Variants in C2CD2L observed in about 807,000 individuals in gnomAD.
The protein encoded by C2CD2L is phospholipid transfer protein C2CD2L.
A neutral mutation model predicts 69.9 loss-of-function variants in C2CD2L; 24 were observed. The observed-to-expected ratio is 0.34, with a 90% confidence interval of 0.25 to 0.48. The LOEUF is 0.48. Among genes scored for constraint, C2CD2L ranks in the 20% least tolerant of loss-of-function variants. The pLI is 0.99. For synonymous variants in C2CD2L, 367 were observed against 391.0 expected, an observed-to-expected ratio of 0.94 and a Z score of 0.72; for missense variants, 811 against 941.5, an observed-to-expected ratio of 0.86 and a Z score of 1.81.
At chr11:119,113,273 C>T (rs1946798004) in intron 10 of C2CD2L, 5 of 385,718 alleles carry the variant, frequency 1.3e-5, no homozygotes, top group Non-Finnish European at 9.4e-6. Flanking sequence ...GGCATTTCTA[C>T]CCCACTCAGT....
rs1031927426 is a variant in C2CD2L at position 119,116,308 on chromosome 11, C to T, written c.*52C>T. The T allele has an allele frequency of 7.2e-7, 1 of 1,396,316 alleles. No individual in the cohort carries two copies. The highest frequency in any genetic ancestry group is 1.4e-5 in the African/African-American group (1 of 70,728). 86.5% of individuals were successfully genotyped at this position (1,396,316 alleles called of 1,614,324 possible). ...TCTCTCAGCCCATTCCCCACCTCCC[C>T]TTCCATACCCCTTCCTGGATCTCCA... On this transcript the variant is annotated 3_prime_UTR_variant, in exon 14 of 14. Coordinates refer to ENST00000648610, the MANE Select transcript of C2CD2L (RefSeq NM_001290474.2).
chr11:119,109,427 A>G lies in C2CD2L; in HGVS notation c.355-677A>G, dbSNP rs1946679136. On this transcript the variant is annotated intron_variant, in intron 1 of 13. Transcript: ENST00000648610. This position sits in a 1 kb window ranked among gnomAD's most constrained non-coding sequence, Gnocchi z 5.1. ...AGATCTAAGCAGCTTTCTGCTCTCT[A>G]ATACCGTCCTGCTATCTGCCTTGAG... is the stretch of plus-strand genomic sequence containing the variant. Among the ~76,000 whole-genome samples the G allele has an allele frequency of 6.6e-6, 1 of 152,164 alleles. No homozygotes were observed. The highest frequency in any genetic ancestry group is 6.5e-5 in the Admixed American group (1 of 15,278).
chr11:119,108,879 A>G (rs953778380), intron 1 of C2CD2L, among the ~76,000 whole-genome samples: 4 of 152,174 alleles, frequency 2.6e-5, no homozygotes, highest in African/African-American at 9.7e-5. Flanking sequence ...CCTTGCTCAG[A>G]GGGTTCTCTA....
At chr11:119,106,040 T>C (rs1172488505), upstream of C2CD2L, among the ~76,000 whole-genome samples, 1 of 152,214 alleles carries the variant, frequency 6.6e-6, no homozygotes, top group Non-Finnish European at 1.5e-5. Flanking sequence ...GAATCTCCAC[T>C]GATTTGGCAG....
rs1203627297 is a variant in C2CD2L, at chr11:119,116,557, C to CG, written c.*303dup. The CG allele has an allele frequency of 9.6e-6, 5 of 522,784 alleles. No homozygotes were observed. Among genetic ancestry groups the CG allele is most frequent in the African/African-American group, 9.5e-5 (5 of 52,638 alleles). The allele number at this position is 522,784 out of a possible 1,614,324, so 32.4% of individuals were successfully genotyped here. On this transcript the variant is annotated 3_prime_UTR_variant, in exon 14 of 14. Coordinates refer to ENST00000648610, the MANE Select transcript of C2CD2L (RefSeq NM_001290474.2). ...CCTCCTGCTGAGCCTGGTCCCTGAG[C>CG]GGAGTCCCAGGGTGCTCAGCTCTTC... is the stretch of plus-strand genomic sequence containing the variant.
chr11:119,110,105 G>A lies in C2CD2L; in HGVS notation c.356G>A (p.Ser119Asn). The part of the protein sequence containing the change: ...ALNEQACRNG[S>N]SIQIAFEEVP... ...CCAATGCCCACATTACTCCCTCAGAGCTCCATCCAAATCGCCTTTGAGGAG... is the reference window on the plus strand; with the variant it reads ...CCAATGCCCACATTACTCCCTCAGAACTCCATCCAAATCGCCTTTGAGGAG... The change falls in exon 2 of 14, where the codon AGC becomes AAC. Residue 119 changes from serine to asparagine, a missense_variant and splice_region_variant. By Grantham distance (46) the Ser-to-Asn change is conservative. Transcript: ENST00000648610. The surrounding 1 kb of genome is among the most constrained non-coding windows in gnomAD (Gnocchi z 5.7). 1 of 1,611,218 alleles carries A rather than the reference G, an allele frequency of 6.2e-7. No individual in the cohort carries two copies. Among genetic ancestry groups the A allele is most frequent in the Non-Finnish European group, 8.5e-7 (1 of 1,177,390 alleles).
In C2CD2L at chr11:119,107,690, C is replaced by T. The variant is rs1369388135; in HGVS notation, c.-52C>T. The stretch of plus-strand genomic sequence containing the variant: ...GCGGCCCGCCCGGGCCATGCTCCCC[C>T]GGGGCAGCGGGTGAGCCCCAGCCGG... On this transcript the variant is annotated 5_prime_UTR_variant, in exon 1 of 14. Transcript: ENST00000648610. This position sits in a 1 kb window ranked among gnomAD's most constrained non-coding sequence, Gnocchi z 5.4. The T allele has an allele frequency of 9.8e-6, 12 of 1,228,906 alleles. No individual in the cohort carries two copies. The highest frequency in any genetic ancestry group is 5.3e-6 in the Non-Finnish European group (5 of 940,920). The allele number at this position is 1,228,906 out of a possible 1,614,324, so 76.1% of individuals were successfully genotyped here. A position where few individuals can be genotyped will look rare whatever the true frequency, so the allele number is the denominator to read the frequency against.
At position 119,112,503 on chromosome 11, in the gene C2CD2L, C is replaced by T. The variant is rs756122425; in HGVS notation, c.1106C>T (p.Thr369Ile). 6 of 1,613,898 alleles carry T rather than the reference C, an allele frequency of 3.7e-6. 1 individual carries two copies. Among genetic ancestry groups the T allele is most frequent in the Middle Eastern group, 3.3e-4 (2 of 6,058 alleles). ...CGDTELLGQA[T>I]LPVGSPSRPL... ...CCAGCCGAACTCCTAGGCCAGGCCACACTGCCTGTGGGCTCCCCCTCCAGA... is the reference window on the plus strand; with the variant it reads ...CCAGCCGAACTCCTAGGCCAGGCCATACTGCCTGTGGGCTCCCCCTCCAGA... The change falls in exon 9 of 14, where the codon ACA (threonine) becomes ATA (isoleucine). Residue 369 changes from threonine to isoleucine, a missense_variant. By Grantham distance (89) the Thr-to-Ile change is moderately conservative. Coordinates refer to ENST00000648610, the MANE Select transcript of C2CD2L (RefSeq NM_001290474.2).
Position 119,107,476 on chromosome 11 carries a change from G to A in C2CD2L, c.-266G>A. 1 of 331,992 alleles carries A rather than the reference G, an allele frequency of 3.0e-6. No homozygotes were observed. The highest frequency in any genetic ancestry group is 5.4e-6 in the Non-Finnish European group (1 of 183,626). The allele number at this position is 331,992 out of a possible 1,614,324, so 20.6% of individuals were successfully genotyped here. A position where few individuals can be genotyped will look rare whatever the true frequency, so the allele number is the denominator to read the frequency against. ...GCGCGGTGGGAGGAGTCGGGCACTGGCCGGCGACTAACGGGTCCGACTGCT... is the reference window on the plus strand; with the variant it reads ...GCGCGGTGGGAGGAGTCGGGCACTGACCGGCGACTAACGGGTCCGACTGCT... On this transcript the variant is annotated 5_prime_UTR_variant, in exon 1 of 14. Coordinates refer to ENST00000648610, the MANE Select transcript of C2CD2L (RefSeq NM_001290474.2). The surrounding 1 kb of genome is among the most constrained non-coding windows in gnomAD (Gnocchi z 5.4).
rs184765986 is a variant in C2CD2L, at chr11:119,116,500, C to T, written c.*244C>T. On this transcript the variant is annotated 3_prime_UTR_variant, in exon 14 of 14. Transcript: ENST00000648610. ...CTGGGAGGGAGAGGAGGGCCCTGTC[C>T]GGCATGTGTGGGTATTCCCCAGAAG... The T allele has an allele frequency of 5.1e-6, 3 of 586,346 alleles. No individual in the cohort carries two copies. The highest frequency in any genetic ancestry group is 2.8e-5 in the East Asian group (1 of 35,464). The allele number at this position is 586,346 out of a possible 1,614,324, so 36.3% of individuals were successfully genotyped here. A position where few individuals can be genotyped will look rare whatever the true frequency, so the allele number is the denominator to read the frequency against.
At chr11:119,106,227 A>G (rs902777577), upstream of C2CD2L, among the ~76,000 whole-genome samples, 3 of 152,232 alleles carry the variant, frequency 2.0e-5, no homozygotes, top group Non-Finnish European at 4.4e-5. Flanking sequence ...CCCACACTTC[A>G]GAAGGCATTG....
chr11:119,106,548 C>T (rs1356879429), upstream of C2CD2L, among the ~76,000 whole-genome samples: 1 of 152,168 alleles, frequency 6.6e-6, no homozygotes, highest in Non-Finnish European at 1.5e-5. Context: ...GTACCTACAG[C>T]ACCATTTCTT....
Position 119,113,878 on chromosome 11 carries a change from T to C in C2CD2L, c.1513T>C (p.Leu505=). The C allele has an allele frequency of 1.2e-6, 2 of 1,614,152 alleles. No homozygotes were observed. Among genetic ancestry groups the C allele is most frequent in the Non-Finnish European group, 1.7e-6 (2 of 1,180,012 alleles). Residue 505 remains leucine, a synonymous_variant, in exon 12 of 14, where the codon TTG becomes CTG. Transcript: ENST00000648610. The stretch of plus-strand genomic sequence containing the variant: ...AGGGGACAGCCACCTTTCCAACGGC[T>C]TGGACCCTGTAGCAGAGACAGCGAT... ...SSRDSHLSNG[L]DPVAETAIRQ... is the part of the protein sequence containing the mutation.
chr11:119,110,731 C>T lies in C2CD2L; in HGVS notation c.570+51C>T, dbSNP rs753988050. 12 of 1,609,698 alleles carry T rather than the reference C, an allele frequency of 7.5e-6. 2 individuals are homozygous for T. The South Asian group carries it at 1.3e-4, about 18-fold the overall frequency. On this transcript the variant is annotated intron_variant, in intron 3 of 13. Coordinates refer to ENST00000648610, the MANE Select transcript of C2CD2L (RefSeq NM_001290474.2). This position sits in a 1 kb window ranked among gnomAD's most constrained non-coding sequence, Gnocchi z 5.7. ...TTGGGCAGGGGCGGTTCCATTGGCT[C>T]AGCTTCTTCCATTTGTTTCCTCTCT...
Position 119,114,329 on chromosome 11 carries a change from G to A in C2CD2L, c.1873G>A (p.Gly625Ser). ...TATTGAGTCGGAAACGGGGTCCACT[G>A]GTGCCCTGGAGACCCGCAGCCTCAA... ...DDIESETGST[G>S]ALETRSLKDH... is the part of the protein sequence containing the mutation. Residue 625 changes from glycine (G) to serine (S), a missense_variant, in exon 13 of 14, where the codon GGT becomes AGT. Physicochemically the swap from Gly to Ser is moderately conservative, Grantham distance 56. Transcript: ENST00000648610. The surrounding 1 kb of genome is among the most constrained non-coding windows in gnomAD (Gnocchi z 5.1). 6.2e-7 allele frequency: 1 copy of A among 1,614,190 alleles called. No individual in the cohort carries two copies. Among genetic ancestry groups the A allele is most frequent in the South Asian group, 1.1e-5 (1 of 91,092 alleles).
rs753165662 is a variant in C2CD2L, at chr11:119,110,644, G to T, written c.534G>T (p.Glu178Asp). 6.2e-7 allele frequency: 1 copy of T among 1,613,690 alleles called. No homozygotes were observed. The highest frequency in any genetic ancestry group is 1.1e-5 in the South Asian group (1 of 91,064). Residue 178 changes from glutamate (E) to aspartate (D), a missense_variant, in exon 3 of 14, where the codon GAG becomes GAT. By Grantham distance (45) the Glu-to-Asp change is conservative. Transcript: ENST00000648610. The surrounding 1 kb of genome is among the most constrained non-coding windows in gnomAD (Gnocchi z 5.7). ...TQQSPAAVSM[E>D]TYHVTLTLPP... is the part of the protein sequence containing the mutation. ...AGTCCCCCGCTGCCGTCTCCATGGAGACCTACCACGTCACTCTGACACTGC... is the reference window on the plus strand; with the variant it reads ...AGTCCCCCGCTGCCGTCTCCATGGATACCTACCACGTCACTCTGACACTGC...
intron 6 of C2CD2L, 32 bp downstream of exon 6, chr11:119,111,406 AG>A: frequency 6.2e-7 from 1 of 1,605,138 alleles, no homozygotes; most frequent in Non-Finnish European, 8.5e-7. Context: ...GGGACTGCCA[AG>A]GCTATGGTTG....
rs1447737283 is a variant in C2CD2L at position 119,110,696 on chromosome 11, G to A, written c.570+16G>A. 6.2e-7 allele frequency: 1 copy of A among 1,613,812 alleles called. No homozygotes were observed. The highest frequency in any genetic ancestry group is 8.5e-7 in the Non-Finnish European group (1 of 1,179,928). On this transcript the variant is annotated intron_variant, in intron 3 of 13. Transcript: ENST00000648610. This position sits in a 1 kb window ranked among gnomAD's most constrained non-coding sequence, Gnocchi z 5.7. ...ACCAACACAGGTAGAAGGGGATGTG[G>A]GAAACTGAGTTGGGCAGGGGCGGTT...
chr11:119,116,187 C>A lies in C2CD2L; in HGVS notation c.2052C>A (p.Arg684=). Reference sequence around the variant, plus strand: ...GAAAGAAGGCCGGCAGCTTTTCTCGCCGCCTTATCAAGCGCTTTTCCTTCA... The same window carrying A: ...GAAAGAAGGCCGGCAGCTTTTCTCGACGCCTTATCAAGCGCTTTTCCTTCA... ...SVRKKAGSFS[R]RLIKRFSFKS... The change falls in exon 14 of 14, where the codon CGC becomes CGA. Residue 684 remains arginine (R), a synonymous_variant. Transcript: ENST00000648610. 1 of 1,614,264 alleles carries A rather than the reference C, an allele frequency of 6.2e-7. No individual in the cohort carries two copies. The highest frequency in any genetic ancestry group is 8.5e-7 in the Non-Finnish European group (1 of 1,180,046).
Sources: gnomAD v4.1 joint callset for allele counts (sites outside exome capture counted in the v4.1 genomes callset) on GRCh38, gnomAD v4.1.1 for gene constraint, Gnocchi (gnomAD v3.1) non-coding constraint, MANE v1.5 for transcripts, NCBI Gene and HGNC (gene_info 2026-07-23, HGNC 2026-07-21) for gene names.